The following MAP3K15 variants were observed in gnomAD, a reference collection of about 807,000 sequenced individuals.
MAP3K15 encodes the protein mitogen-activated protein kinase kinase kinase 15, also known as MAPK/ERK kinase kinase 15.
MAP3K15 carries 124 observed loss-of-function variants against 99.5 expected under a neutral mutation model. That is an observed-to-expected ratio of 1.25 (90% confidence interval 1.08 to 1.45). The LOEUF (loss-of-function observed/expected upper bound fraction) is 1.45. Among genes scored for constraint, MAP3K15 ranks in the 40% most tolerant of loss-of-function variants. MAP3K15 has a pLI of 0.00. For synonymous variants in MAP3K15, 494 were observed against 439.6 expected, an observed-to-expected ratio of 1.12 and a Z score of -1.55; for missense variants, 1,242 against 1,079.7, an observed-to-expected ratio of 1.15 and a Z score of -2.11.
At position 19,455,502 on chromosome X, in the gene MAP3K15, A is replaced by G. The variant is rs577270206; in HGVS notation, c.995+1411T>C. 1.4e-4 allele frequency among the ~76,000 whole-genome samples: 13 copies of G among 93,836 alleles called. No individual in the cohort carries two copies. The South Asian group carries it at 5.9e-3, about 42-fold the overall frequency. 81.5% of individuals were successfully genotyped at this position (93,836 alleles called of 115,157 possible). On this transcript the variant is annotated intron_variant, in intron 6 of 28. Coordinates refer to ENST00000338883, the MANE Select transcript of MAP3K15 (RefSeq NM_001001671.4). The stretch of plus-strand genomic sequence containing the variant: ...TGAGAGACTACAAGCACAAGCCATC[A>G]TGCCTGGCTAATTTTTTTTTTTTTT...
intron 8 of MAP3K15, 25 bp downstream of exon 8, chrX:19,426,206 C>T: frequency 1.2e-6 from 1 of 847,135 alleles, no homozygotes; most frequent in Non-Finnish European, 1.6e-6. Context: ...AAAGCAACAA[C>T]ATCTGCAATA....
chrX:19,382,412 A>G (rs2063465050), intron 18 of MAP3K15, among the ~76,000 whole-genome samples: 1 of 111,662 alleles, frequency 9.0e-6, no homozygotes, highest in East Asian at 2.8e-4. Flanking sequence ...GCTGATGGCA[A>G]CGTTCTATCC....
intron 4 of MAP3K15, among the ~76,000 whole-genome samples, chrX:19,461,102 C>T (rs920063742): frequency 4.5e-5 from 5 of 112,250 alleles, no homozygotes; most frequent in Non-Finnish European, 9.4e-5. Flanking sequence ...GCCTCAGCCT[C>T]CTGAGTAGCT....
At chrX:19,443,948 A>G (rs2063977621) in intron 6 of MAP3K15, among the ~76,000 whole-genome samples, 1 of 111,249 alleles carries the variant, frequency 9.0e-6, no homozygotes, top group African/African-American at 3.3e-5. Context: ...ATACCCAAGT[A>G]ATAGCCATTT....
At chrX:19,459,924 A>C (rs2064118987) in intron 5 of MAP3K15, 61 bp downstream of exon 5, 2 of 918,560 alleles carry the variant, frequency 2.2e-6, no homozygotes, top group Non-Finnish European at 2.9e-6. Context: ...ACTTCACAAG[A>C]CGTTCCTCAA....
intron 6 of MAP3K15, among the ~76,000 whole-genome samples, chrX:19,444,134 G>A (rs758975483): frequency 8.9e-6 from 1 of 111,897 alleles, no homozygotes; most frequent in African/African-American, 3.2e-5. Context: ...CTGACTTGCT[G>A]AGCAACTATT....
chrX:19,413,269 A>T, intron 11 of MAP3K15, 88 bp downstream of exon 11: 1 of 624,572 alleles, frequency 1.6e-6, no homozygotes, highest in Non-Finnish European at 2.5e-6. Context: ...TTCAGAAGTT[A>T]AACATGGGTG....
intron 6 of MAP3K15, among the ~76,000 whole-genome samples, chrX:19,449,530 G>A (rs1367155852): frequency 9.2e-6 from 1 of 108,676 alleles, no homozygotes; most frequent in Non-Finnish European, 1.9e-5. Context: ...GGTGAGGTGC[G>A]GGGGGAGTGG....
Position 19,373,565 on chromosome X carries a change from CG to C in MAP3K15, c.2903del (p.Ala968GlyfsTer88). The C allele has an allele frequency of 8.5e-7, 1 of 1,173,013 alleles. No individual in the cohort carries two copies. Among genetic ancestry groups the C allele is most frequent in the Non-Finnish European group, 1.1e-6 (1 of 875,940 alleles). ...GGAGGTGGCCAAGGTGGTGCCTGGG[CG>C]CCCGGGTCCTCTCAAAGAGTGCGTC... ...QPDALFERTR[A>X]PRHHLGHLLS... On this transcript the variant is annotated frameshift_variant, in exon 21 of 29. Coordinates refer to ENST00000338883, the MANE Select transcript of MAP3K15 (RefSeq NM_001001671.4). LOFTEE classifies it high-confidence loss of function.
chrX:19,458,960 G>A (rs1250854353), intron 5 of MAP3K15, among the ~76,000 whole-genome samples: 1 of 111,737 alleles, frequency 8.9e-6, no homozygotes, highest in African/African-American at 3.3e-5. Flanking sequence ...TTGGAGAGAG[G>A]AAACGCTCAA....
chrX:19,456,117 G>A (rs1166507048), intron 6 of MAP3K15, among the ~76,000 whole-genome samples: 2 of 110,751 alleles, frequency 1.8e-5, no homozygotes, highest in Non-Finnish European at 3.8e-5. Context: ...ACTGTTTGCC[G>A]ATGTCTACTA....
rs775035785 is a variant in MAP3K15 at position 19,368,116 on chromosome X, A to G, written c.3566+938T>C. Among the ~76,000 whole-genome samples the G allele has an allele frequency of 9.1e-5, 10 of 110,134 alleles. No homozygotes were observed. In the South Asian group the frequency reaches 2.3e-3, roughly 26 times the overall value. On this transcript the variant is annotated intron_variant, in intron 25 of 28. Coordinates refer to ENST00000338883, the MANE Select transcript of MAP3K15 (RefSeq NM_001001671.4). ...TGACTTCCCAGAGCAAACAGGAATA[A>G]TTTTATTCATTTCACAAATATTTCT...
At chrX:19,386,789 C>A (rs2063496354) in intron 18 of MAP3K15, among the ~76,000 whole-genome samples, 1 of 111,307 alleles carries the variant, frequency 9.0e-6, no homozygotes, top group Admixed American at 9.6e-5. Flanking sequence ...GATCAAGGGG[C>A]TGAGAGAGTT....
At chrX:19,374,416 A>C (rs2063402719) in intron 20 of MAP3K15, 61 bp downstream of exon 20, 1 of 1,075,472 alleles carries the variant, frequency 9.3e-7, no homozygotes, top group Admixed American at 2.4e-5. Flanking sequence ...GCAGCAGAGA[A>C]GCCCAGCGCC....
rs781537252 is a variant in MAP3K15 at position 19,425,152 on chromosome X, T to C, written c.1439+379A>G. 1.7e-4 allele frequency among the ~76,000 whole-genome samples: 19 copies of C among 112,064 alleles called. No homozygotes were observed. In the South Asian group the frequency reaches 6.4e-3, roughly 38 times the overall value. On this transcript the variant is annotated intron_variant, in intron 9 of 28. Coordinates refer to ENST00000338883, the MANE Select transcript of MAP3K15 (RefSeq NM_001001671.4). ...CCGTTTTATTTACCATACCCTATTA[T>C]TGTTCTTTTAGTTCCAGTTTTCATT... is the stretch of plus-strand genomic sequence containing the variant.
chrX:19,405,616 T>C (rs184421154), intron 13 of MAP3K15, among the ~76,000 whole-genome samples: 6 of 112,405 alleles, frequency 5.3e-5, no homozygotes, highest in African/African-American at 1.6e-4. Context: ...AAAATTTGGA[T>C]AAATGTTGTA....
At chrX:19,489,084 G>C in intron 1 of MAP3K15, 117 bp from the exon 2 acceptor site, 1 of 651,785 alleles carries the variant, frequency 1.5e-6, no homozygotes, top group Non-Finnish European at 2.2e-6. Flanking sequence ...CAGCCTGTTA[G>C]GTAAAGTAAG....
intron 1 of MAP3K15, among the ~76,000 whole-genome samples, chrX:19,498,641 T>C (rs2064422209): frequency 8.9e-6 from 1 of 111,990 alleles, no homozygotes; most frequent in South Asian, 3.7e-4. Flanking sequence ...CTTCCTGTAC[T>C]TTCCTGGATA....
At chrX:19,394,789 CTTTTTTTTTTTTTTTT>C (rs144723219) in intron 16 of MAP3K15, among the ~76,000 whole-genome samples, 34 of 17,513 alleles carry the variant, frequency 1.9e-3, no homozygotes, top group Admixed American at 3.3e-3. Flanking sequence ...GGGTCTGTTG[CTTTTTTTTTTTTTTTT>C]TTTTTTTTTT....
Sources: allele counts gnomAD v4.1 joint callset (sites outside exome capture counted in the v4.1 genomes callset), GRCh38; gene constraint gnomAD v4.1.1; transcripts MANE v1.5; gene names NCBI Gene and HGNC (gene_info 2026-07-23, HGNC 2026-07-21).